DLGAP2: variants seen among roughly 807,000 people sequenced by gnomAD.
The protein encoded by DLGAP2 is disks large-associated protein 2.
In DLGAP2, 26 loss-of-function variants were observed where a neutral mutation model predicts 100.3. The ratio of observed to expected loss-of-function variants is 0.26; its 90% confidence interval spans 0.19 to 0.36. DLGAP2 has a LOEUF of 0.36. Ranked by LOEUF, DLGAP2 falls within the 10% of genes least tolerant of loss-of-function variation. The pLI is 1.00. For synonymous variants in DLGAP2, 886 were observed against 630.1 expected, an observed-to-expected ratio of 1.41 and a Z score of -6.08; for missense variants, 1,858 against 1,453.2, an observed-to-expected ratio of 1.28 and a Z score of -4.53.
chr8:1,665,279 A>C lies in DLGAP2; in HGVS notation c.1811-3050A>C, dbSNP rs562766735. 2.6e-5 allele frequency among the ~76,000 whole-genome samples: 4 copies of C among 152,346 alleles called. No homozygotes were observed. The East Asian group carries it at 7.7e-4, about 29-fold the overall frequency. On this transcript the variant is annotated intron_variant, in intron 8 of 14. Coordinates refer to ENST00000637795, the MANE Select transcript of DLGAP2 (RefSeq NM_001346810.2). ...GTCTGTGATTTTGAACAGTGGCGACAGACCTTTGAGAGTAACTATGAAACA... is the reference window on the plus strand; with the variant it reads ...GTCTGTGATTTTGAACAGTGGCGACCGACCTTTGAGAGTAACTATGAAACA...
chr8:1,305,755 C>T (rs1800474714), intron 3 of DLGAP2, among the ~76,000 whole-genome samples: 1 of 152,168 alleles, frequency 6.6e-6, no homozygotes, highest in Non-Finnish European at 1.5e-5. Flanking sequence ...TGGGAGAGTT[C>T]CTTCAGTAAA....
chr8:1,253,138 T>C (rs58934325), intron 2 of DLGAP2, among the ~76,000 whole-genome samples: 16,768 of 152,220 alleles, frequency 0.11, 2,223 homozygotes, highest in African/African-American at 0.32. Flanking sequence ...TTTGCATTCA[T>C]GGCTGGGTTG....
intron 3 of DLGAP2, among the ~76,000 whole-genome samples, chr8:1,309,924 A>G (rs557463690): frequency 1.3e-5 from 2 of 152,128 alleles, no homozygotes; most frequent in African/African-American, 2.4e-5. Flanking sequence ...GTGAAAACCC[A>G]TCTTTACTAA....
intron 3 of DLGAP2, among the ~76,000 whole-genome samples, chr8:1,447,697 C>A (rs997646547): frequency 6.6e-6 from 1 of 152,198 alleles, no homozygotes; most frequent in Non-Finnish European, 1.5e-5. Flanking sequence ...TAGAATTCGG[C>A]TGTGAATCCA....
rs948185761 is a variant in DLGAP2 at position 877,737 on chromosome 8, A to G, written c.19-30175A>G. 9.9e-5 allele frequency among the ~76,000 whole-genome samples: 15 copies of G among 152,230 alleles called. No homozygotes were observed. In the East Asian group the frequency reaches 1.7e-3, roughly 18 times the overall value. ...CAGTTGCATTTCACCACAAATTCCA[A>G]TGCTCCCGAGAGCTCCCTTAGGTTT... On this transcript the variant is annotated intron_variant, in intron 1 of 14. Coordinates refer to ENST00000637795, the MANE Select transcript of DLGAP2 (RefSeq NM_001346810.2).
chr8:1,362,895 C>G (rs1015492539), intron 3 of DLGAP2, among the ~76,000 whole-genome samples: 3 of 152,202 alleles, frequency 2.0e-5, no homozygotes, highest in Admixed American at 6.5e-5. Context: ...CCCTTCTCTT[C>G]TCGTCTTTCC....
intron 1 of DLGAP2, among the ~76,000 whole-genome samples, chr8:832,502 C>T (rs751873723): frequency 2.0e-5 from 3 of 152,198 alleles, no homozygotes; most frequent in Non-Finnish European, 4.4e-5. Flanking sequence ...AGTCAAGGCT[C>T]TGCTTGTCTC....
chr8:1,091,121 G>A (rs1407451387), intron 2 of DLGAP2, among the ~76,000 whole-genome samples: 1 of 152,188 alleles, frequency 6.6e-6, no homozygotes, highest in Non-Finnish European at 1.5e-5. Context: ...ATCTCGAGCA[G>A]TGGAGAGCCA....
At chr8:1,145,579 C>T (rs566885009) in intron 2 of DLGAP2, among the ~76,000 whole-genome samples, 1 of 152,182 alleles carries the variant, frequency 6.6e-6, no homozygotes, top group Admixed American at 6.5e-5. Flanking sequence ...CTGCTGTAAA[C>T]ATCTTCTGCA....
chr8:1,059,115 G>T (rs1175439229), intron 2 of DLGAP2, among the ~76,000 whole-genome samples: 1 of 152,126 alleles, frequency 6.6e-6, no homozygotes, highest in African/African-American at 2.4e-5. Flanking sequence ...TCTGTGTCCA[G>T]TGGGAGTCCT....
chr8:1,196,476 G>A (rs563977421), intron 2 of DLGAP2, among the ~76,000 whole-genome samples: 9 of 152,112 alleles, frequency 5.9e-5, no homozygotes, highest in African/African-American at 1.2e-4. Context: ...GGAAATATTC[G>A]TGCTTTCCTC....
intron 2 of DLGAP2, among the ~76,000 whole-genome samples, chr8:1,072,860 G>A (rs1401986777): frequency 1.3e-5 from 2 of 152,250 alleles, no homozygotes; most frequent in African/African-American, 4.8e-5. Context: ...TTTCGGGGAG[G>A]CTGAGTGTGC....
At chr8:754,561 A>G (rs1335085431) in intron 1 of DLGAP2, among the ~76,000 whole-genome samples, 1 of 152,238 alleles carries the variant, frequency 6.6e-6, no homozygotes, top group African/African-American at 2.4e-5. Flanking sequence ...GGGATTGAAA[A>G]GCAGTGTGCC....
At chr8:1,083,427 CG>C (rs1457379164) in intron 2 of DLGAP2, among the ~76,000 whole-genome samples, 4 of 152,140 alleles carry the variant, frequency 2.6e-5, no homozygotes, top group African/African-American at 9.7e-5. Context: ...CCAGATCTTA[CG>C]GGGGGTTTGA....
intron 2 of DLGAP2, among the ~76,000 whole-genome samples, chr8:1,163,432 C>G (rs1448507523): frequency 6.6e-6 from 1 of 152,194 alleles, no homozygotes; most frequent in African/African-American, 2.4e-5. Flanking sequence ...GGCCTGTGTC[C>G]GATGCTCTGG....
chr8:1,110,341 C>A, intron 2 of DLGAP2, among the ~76,000 whole-genome samples: 1 of 138,012 alleles, frequency 7.2e-6, no homozygotes, highest in South Asian at 2.4e-4. Context: ...GGGTCTGTGA[C>A]ATGTGCTGGG....
chr8:771,796 T>C (rs1194464161), intron 1 of DLGAP2, among the ~76,000 whole-genome samples: 3 of 152,246 alleles, frequency 2.0e-5, no homozygotes, highest in East Asian at 3.8e-4. Context: ...ACCATAAAAA[T>C]TGAAGTGGCA....
intron 3 of DLGAP2, among the ~76,000 whole-genome samples, chr8:1,259,962 A>G (rs554366336): frequency 1.3e-5 from 2 of 152,328 alleles, no homozygotes; most frequent in African/African-American, 2.4e-5. Context: ...GTCACTGTAC[A>G]TTTTTAAATC....
chr8:1,707,042 C>A lies in DLGAP2; in HGVS notation c.*5636C>A, dbSNP rs77867861. ...AATGTAAACACTTAACAGATGACTT[C>A]TTTGCAGAAGAAATGTTCGTTACCT... On this transcript the variant is annotated 3_prime_UTR_variant, in exon 15 of 15. Transcript: ENST00000637795. 1,564 of 152,718 alleles carry A rather than the reference C, an allele frequency of 0.01. 54 individuals carry two copies. Among genetic ancestry groups the A allele is most frequent in the East Asian group, 0.089 (458 of 5,174 alleles). 9.5% of individuals were successfully genotyped at this position (152,718 alleles called of 1,614,324 possible). A position where few individuals can be genotyped will look rare whatever the true frequency, so the allele number is the denominator to read the frequency against.
Sources: allele counts gnomAD v4.1 joint callset (sites outside exome capture counted in the v4.1 genomes callset), GRCh38; gene constraint gnomAD v4.1.1; transcripts MANE v1.5; gene names NCBI Gene and HGNC (gene_info 2026-07-23, HGNC 2026-07-21).